SORCS2: variants seen among roughly 807,000 people sequenced by gnomAD.
SORCS2 encodes sortilin related VPS10 domain containing receptor 2.
SORCS2 carries 100 observed loss-of-function variants against 141.6 expected under a neutral mutation model. That is an observed-to-expected ratio of 0.71 (90% CI 0.60 to 0.83). The LOEUF (loss-of-function observed/expected upper bound fraction) is 0.83, where lower values mean the gene tolerates loss of function less well. SORCS2 is among the 40% of genes least tolerant of loss of function. The pLI, the probability that SORCS2 is intolerant of heterozygous loss-of-function variation, is 0.00. For missense variants in SORCS2, 1,646 were observed against 1,560.2 expected, an observed-to-expected ratio of 1.05 and a Z score of -0.93; for synonymous variants, 789 against 676.9, an observed-to-expected ratio of 1.17 and a Z score of -2.57.
chr4:7,572,932 A>G (rs1715496140), intron 3 of SORCS2, among the ~76,000 whole-genome samples: 1 of 152,246 alleles, frequency 6.6e-6, no homozygotes, highest in African/African-American at 2.4e-5. Context: ...ATTTCATAAC[A>G]TTGGAAATAT....
At chr4:7,443,040 T>C (rs1727776621) in intron 2 of SORCS2, among the ~76,000 whole-genome samples, 1 of 152,212 alleles carries the variant, frequency 6.6e-6, no homozygotes. Flanking sequence ...CTTCTCTGTG[T>C]CCAAATTTCC....
At chr4:7,645,078 C>T (rs1454518456) in intron 4 of SORCS2, among the ~76,000 whole-genome samples, 2 of 152,352 alleles carry the variant, frequency 1.3e-5, no homozygotes, top group African/African-American at 2.4e-5. Context: ...CCAATGGTAA[C>T]GCCATCCATT....
chr4:7,195,734 T>C (rs1280223865), intron 1 of SORCS2, among the ~76,000 whole-genome samples: 1 of 152,240 alleles, frequency 6.6e-6, no homozygotes, highest in Non-Finnish European at 1.5e-5. Flanking sequence ...TAGTCTCATC[T>C]TGCAACCACA....
At chr4:7,725,313 C>G in intron 20 of SORCS2, 26 bp downstream of exon 20, 1 of 1,603,622 alleles carries the variant, frequency 6.2e-7, no homozygotes, top group Non-Finnish European at 8.5e-7. Flanking sequence ...CCCAACTCAG[C>G]CCTTCTTCCC....
chr4:7,568,251 A>G (rs1387387172), intron 3 of SORCS2, among the ~76,000 whole-genome samples: 3 of 152,212 alleles, frequency 2.0e-5, no homozygotes, highest in Admixed American at 6.5e-5. Flanking sequence ...ACAAGAAACA[A>G]CAGCAACAAC....
intron 1 of SORCS2, among the ~76,000 whole-genome samples, chr4:7,382,737 G>C (rs1002086186): frequency 6.6e-6 from 1 of 151,932 alleles, no homozygotes; most frequent in African/African-American, 2.4e-5. Flanking sequence ...GGGATGGTCT[G>C]CAGGTCTGGG....
intron 3 of SORCS2, among the ~76,000 whole-genome samples, chr4:7,629,025 C>T (rs1445137200): frequency 6.6e-6 from 1 of 152,052 alleles, no homozygotes; most frequent in Non-Finnish European, 1.5e-5. Flanking sequence ...CTCGGAGCTA[C>T]CAGCTGTGGG....
At chr4:7,291,524 C>T (rs184696289) in intron 1 of SORCS2, among the ~76,000 whole-genome samples, 26 of 152,192 alleles carry the variant, frequency 1.7e-4, no homozygotes, top group Admixed American at 4.6e-4. Context: ...GATCACATGG[C>T]GTTTTGGGCC....
At chr4:7,579,899 T>G (rs1032044425) in intron 3 of SORCS2, among the ~76,000 whole-genome samples, 2 of 152,138 alleles carry the variant, frequency 1.3e-5, no homozygotes, top group African/African-American at 4.8e-5. Context: ...CAGAGGCAAC[T>G]GTGCTCACAG....
At chr4:7,475,118 A>G (rs927986563) in intron 2 of SORCS2, among the ~76,000 whole-genome samples, 3 of 152,188 alleles carry the variant, frequency 2.0e-5, no homozygotes, top group Non-Finnish European at 4.4e-5. Context: ...GGCCTTAAAC[A>G]TACCTTTTAG....
At chr4:7,596,158 G>A (rs752182475) in intron 3 of SORCS2, among the ~76,000 whole-genome samples, 5 of 152,188 alleles carry the variant, frequency 3.3e-5, no homozygotes, top group Non-Finnish European at 7.3e-5. Flanking sequence ...CACACTGTGT[G>A]AGGCAGAAAT....
intron 3 of SORCS2, among the ~76,000 whole-genome samples, chr4:7,556,971 C>G (rs1003435990): frequency 1.4e-5 from 2 of 140,924 alleles, no homozygotes; most frequent in Non-Finnish European, 3.1e-5. Context: ...ATTCATCCAA[C>G]CACCCACCTG....
intron 3 of SORCS2, among the ~76,000 whole-genome samples, chr4:7,553,322 A>C (rs964708425): frequency 6.6e-6 from 1 of 152,138 alleles, no homozygotes; most frequent in African/African-American, 2.4e-5. Flanking sequence ...GGGAAAAAAA[A>C]CCATGTAATT....
chr4:7,499,720 G>C (rs7692314), intron 2 of SORCS2, among the ~76,000 whole-genome samples: 12 of 151,502 alleles, frequency 7.9e-5, no homozygotes, highest in South Asian at 2.1e-4. Context: ...AGATCCTCTC[G>C]TCTGCCTTCC....
intron 3 of SORCS2, among the ~76,000 whole-genome samples, chr4:7,540,348 G>A (rs1210539229): frequency 6.6e-6 from 1 of 151,998 alleles, no homozygotes. Flanking sequence ...GATTAGCCCG[G>A]GTCCCGTGGA....
rs372239474 is a variant in SORCS2 at position 7,659,824 on chromosome 4, C to G, written c.888-1676C>G. Among the ~76,000 whole-genome samples the G allele has an allele frequency of 3.1e-3, 466 of 151,362 alleles. 3 individuals carry two copies. Among genetic ancestry groups the G allele is most frequent in the African/African-American group, 0.011 (439 of 40,788 alleles). ...CTGAGGGTGGGGCAGCTGTACTTCTCCCCCCCACCACTGTCCCTTCACTGT... is the reference window on the plus strand; with the variant it reads ...CTGAGGGTGGGGCAGCTGTACTTCTGCCCCCCACCACTGTCCCTTCACTGT... On this transcript the variant is annotated intron_variant, in intron 5 of 26. Transcript: ENST00000507866.
At chr4:7,419,790 A>T (rs1725920451) in intron 2 of SORCS2, among the ~76,000 whole-genome samples, 3 of 152,052 alleles carry the variant, frequency 2.0e-5, no homozygotes, top group African/African-American at 7.2e-5. Context: ...TGGAAGCCAG[A>T]TCTCTGGATC....
In SORCS2 at chr4:7,461,445, C is replaced by T. The variant is rs553400272; in HGVS notation, c.548+65090C>T. On this transcript the variant is annotated intron_variant, in intron 2 of 26. Coordinates refer to ENST00000507866, the MANE Select transcript of SORCS2 (RefSeq NM_020777.3). ...GCCGCCTCTGCATGGTGGCTGCACA[C>T]TGCGTGTGATCAGTGGGGAAACCTG... is the stretch of plus-strand genomic sequence containing the variant. Among the ~76,000 whole-genome samples the T allele has an allele frequency of 1.6e-3, 243 of 152,360 alleles. 1 individual carries two copies. Among genetic ancestry groups the T allele is most frequent in the Non-Finnish European group, 2.5e-3 (170 of 68,042 alleles).
chr4:7,507,773 G>A (rs57416556), intron 2 of SORCS2, among the ~76,000 whole-genome samples: 20,392 of 152,092 alleles, frequency 0.13, 2,225 homozygotes, highest in African/African-American at 0.3. Flanking sequence ...GGCATGCTGT[G>A]TCTCTCATGA....
Sources: gnomAD v4.1 joint callset for allele counts (sites outside exome capture counted in the v4.1 genomes callset) on GRCh38, gnomAD v4.1.1 for gene constraint, MANE v1.5 for transcripts, NCBI Gene and HGNC (gene_info 2026-07-23, HGNC 2026-07-21) for gene names.